The following CHN2 variants were observed in gnomAD, a reference collection of about 807,000 sequenced individuals.
The protein encoded by CHN2 is chimerin 2.
Under a neutral mutation model 56.3 loss-of-function variants are expected in CHN2, and 35 were observed. That is an observed-to-expected ratio of 0.62 (90% CI 0.47 to 0.82). CHN2 has a LOEUF of 0.82. Among genes scored for constraint, CHN2 ranks in the 40% least tolerant of loss-of-function variants. The pLI is 0.00. For missense variants in CHN2, 491 were observed against 580.5 expected, an observed-to-expected ratio of 0.85 and a Z score of 1.58; for synonymous variants, 210 against 212.8, an observed-to-expected ratio of 0.99 and a Z score of 0.12.
At chr7:29,471,561 G>A (rs1786038957) in intron 6 of CHN2, among the ~76,000 whole-genome samples, 1 of 140,754 alleles carries the variant, frequency 7.1e-6, no homozygotes, top group African/African-American at 2.6e-5. Flanking sequence ...TGGGTGAACG[G>A]TGACTGTTTT....
chr7:29,320,560 G>A (rs1273651141), intron 1 of CHN2, among the ~76,000 whole-genome samples: 1 of 152,164 alleles, frequency 6.6e-6, no homozygotes, highest in Non-Finnish European at 1.5e-5. Context: ...AACCAACAGA[G>A]CAATTTCTAG....
At chr7:29,199,727 G>A (rs1028784808) in intron 1 of CHN2, 1 of 152,168 alleles carries the variant, frequency 6.6e-6, no homozygotes, top group Admixed American at 6.5e-5. Flanking sequence ...CAGAGTCTGA[G>A]AGGTAAGGAG....
At chr7:29,269,944 T>C (rs988875899) in intron 1 of CHN2, among the ~76,000 whole-genome samples, 2 of 152,228 alleles carry the variant, frequency 1.3e-5, no homozygotes, top group Non-Finnish European at 2.9e-5. Flanking sequence ...CCTATCTACC[T>C]ACCTGCTTCT....
chr7:29,273,613 T>C (rs1232685523), intron 1 of CHN2, among the ~76,000 whole-genome samples: 2 of 151,898 alleles, frequency 1.3e-5, no homozygotes, highest in African/African-American at 4.8e-5. Flanking sequence ...TATCCATGAC[T>C]GTACCAGTCT....
chr7:29,281,683 C>T (rs913624412), intron 1 of CHN2, among the ~76,000 whole-genome samples: 1 of 125,926 alleles, frequency 7.9e-6, no homozygotes. Context: ...CCTTATCCCC[C>T]TCTCTCCCCT....
At chr7:29,472,729 G>C (rs983600022) in intron 6 of CHN2, among the ~76,000 whole-genome samples, 1 of 152,170 alleles carries the variant, frequency 6.6e-6, no homozygotes, top group Non-Finnish European at 1.5e-5. Context: ...GCCAATGTTG[G>C]CATCATGGTA....
Position 29,151,504 on chromosome 7 carries a change from C to G in CHN2, c.274+4544C>G, listed in dbSNP as rs1046475880. 2.0e-5 allele frequency among the ~76,000 whole-genome samples: 3 copies of G among 152,190 alleles called. No individual in the cohort carries two copies. In the East Asian group the frequency reaches 5.8e-4, roughly 29 times the overall value. ...ATATAGACATGGCCACTAAGGACAG[C>G]TGAGCAAGCCCTGTGTAAAACCAAG... On this transcript the variant is annotated intron_variant, in intron 2 of 6. Transcript: ENST00000439384.
intron 1 of CHN2, among the ~76,000 whole-genome samples, chr7:29,250,264 A>G (rs1185645175): frequency 6.6e-6 from 1 of 152,256 alleles, no homozygotes; most frequent in Admixed American, 6.5e-5. Flanking sequence ...TCTGCATTGC[A>G]AAAATGAAAT....
At chr7:29,480,951 G>A (rs751340549) in intron 7 of CHN2, among the ~76,000 whole-genome samples, 3 of 152,224 alleles carry the variant, frequency 2.0e-5, no homozygotes, top group Non-Finnish European at 2.9e-5. Context: ...AAAAGATCTG[G>A]AAACCTGGTG....
intron 1 of CHN2, among the ~76,000 whole-genome samples, chr7:29,307,068 A>C (rs1044193363): frequency 2.6e-5 from 4 of 152,186 alleles, no homozygotes; most frequent in Non-Finnish European, 1.5e-5. Flanking sequence ...GTGCCTGGAT[A>C]TATCCTATCA....
intron 1 of CHN2, among the ~76,000 whole-genome samples, chr7:29,327,538 G>A (rs1795902580): frequency 6.6e-6 from 1 of 152,164 alleles, no homozygotes; most frequent in South Asian, 2.1e-4. Context: ...CAAGATGTCT[G>A]CTTGGACTGG....
At chr7:29,390,993 T>TG (rs1182456532) in intron 3 of CHN2, among the ~76,000 whole-genome samples, 1 of 152,166 alleles carries the variant, frequency 6.6e-6, no homozygotes, top group Non-Finnish European at 1.5e-5. Flanking sequence ...AGTATAGAAA[T>TG]AGAGACTGTG....
chr7:29,260,422 C>A (rs562833827), intron 1 of CHN2, among the ~76,000 whole-genome samples: 11 of 152,008 alleles, frequency 7.2e-5, no homozygotes, highest in Non-Finnish European at 1.3e-4. Flanking sequence ...TTTTCATTTG[C>A]GGAACTGGGT....
Position 29,450,857 on chromosome 7 carries a change from C to G in CHN2, c.577-29422C>G, listed in dbSNP as rs189247871. On this transcript the variant is annotated intron_variant, in intron 6 of 12. Coordinates refer to ENST00000222792, the MANE Select transcript of CHN2 (RefSeq NM_004067.4). ...TGTAATCTTGGCTCACTGCAACCTC[C>G]GCCTCCCAGGTTCAAGCAATTCTCT... 3.6e-3 allele frequency among the ~76,000 whole-genome samples: 547 copies of G among 152,020 alleles called. 4 individuals are homozygous for G. Among genetic ancestry groups the G allele is most frequent in the African/African-American group, 0.012 (517 of 41,458 alleles).
At chr7:29,306,480 G>T (rs2128882120) in intron 1 of CHN2, among the ~76,000 whole-genome samples, 1 of 152,304 alleles carries the variant, frequency 6.6e-6, no homozygotes, top group Non-Finnish European at 1.5e-5. Context: ...CCTTTGTGAG[G>T]TGTCACTTAA....
intron 2 of CHN2, among the ~76,000 whole-genome samples, chr7:29,165,156 C>T (rs1394737764): frequency 6.6e-6 from 1 of 152,044 alleles, no homozygotes; most frequent in Non-Finnish European, 1.5e-5. Flanking sequence ...GAATAGATAT[C>T]TAAATAATAT....
intron 1 of CHN2, among the ~76,000 whole-genome samples, chr7:29,208,355 G>A (rs999033364): frequency 8.5e-5 from 13 of 152,142 alleles, no homozygotes; most frequent in Admixed American, 1.3e-4. Flanking sequence ...CCCTTCACGG[G>A]AGTGTGAAGA....
rs1554383501 is a variant in CHN2 at position 29,264,872 on chromosome 7, C to CCA, written c.49+69882_49+69883insCA. 2.6e-5 allele frequency among the ~76,000 whole-genome samples: 3 copies of CCA among 114,268 alleles called. No individual in the cohort carries two copies. The East Asian group carries it at 7.1e-4, about 27-fold the overall frequency. 75.0% of individuals were successfully genotyped at this position (114,268 alleles called of 152,430 possible). A position where few individuals can be genotyped will look rare whatever the true frequency, so the allele number is the denominator to read the frequency against. ...AAAAAAGTCAATTGACTGTTAAAAG[C>CCA]AAAAAAAAAAAAACAAGTTAATTTA... On this transcript the variant is annotated intron_variant, in intron 1 of 12. Coordinates refer to ENST00000222792, the MANE Select transcript of CHN2 (RefSeq NM_004067.4).
chr7:29,334,278 T>G (rs1796449992), intron 1 of CHN2, among the ~76,000 whole-genome samples: 2 of 152,092 alleles, frequency 1.3e-5, no homozygotes, highest in Non-Finnish European at 2.9e-5. Flanking sequence ...CTCAAACTTC[T>G]GACCTCAAGT....
Sources: allele counts gnomAD v4.1 joint callset (sites outside exome capture counted in the v4.1 genomes callset), GRCh38; gene constraint gnomAD v4.1.1; transcripts MANE v1.5; gene names NCBI Gene and HGNC (gene_info 2026-07-23, HGNC 2026-07-21).